Variants in MID1 observed in about 807,000 individuals in gnomAD.
MID1 encodes the protein E3 ubiquitin-protein ligase Midline-1.
A neutral mutation model predicts 40.4 loss-of-function variants in MID1; 7 were observed. That is an observed-to-expected ratio of 0.17 (90% confidence interval 0.10 to 0.33). The LOEUF (loss-of-function observed/expected upper bound fraction) is 0.33, where lower values mean the gene tolerates loss of function less well. Among genes scored for constraint, MID1 ranks in the 10% least tolerant of loss-of-function variants. The probability of loss-of-function intolerance (pLI) is 1.00; values close to 1 mark genes in which losing one functional copy is unlikely to be tolerated. For missense variants in MID1, 367 were observed against 558.5 expected (o/e 0.66, Z 3.46); for synonymous variants, 229 against 221.2 (o/e 1.04, Z -0.31).
intron 1 of MID1, among the ~76,000 whole-genome samples, chrX:10,817,623 CT>C (rs749401235): frequency 0.055 from 2,047 of 37,229 alleles, 71 homozygotes; most frequent in African/African-American, 0.15. Flanking sequence ...TTTCTTTCTT[CT>C]TTTTTTTTTT....
chrX:10,832,968 T>C (rs771303218), intron 1 of MID1, among the ~76,000 whole-genome samples: 3 of 112,818 alleles, frequency 2.7e-5, no homozygotes, highest in Admixed American at 9.4e-5. Context: ...CATACGCTCC[T>C]TGTCAAAACG....
chrX:10,619,695 C>T (rs1187828895), intron 1 of MID1, among the ~76,000 whole-genome samples: 1 of 112,491 alleles, frequency 8.9e-6, no homozygotes, highest in Admixed American at 9.4e-5. Context: ...AGCCCTTTCT[C>T]CGCTCACTAC....
intron 1 of MID1, chrX:10,589,551 C>G (rs951840181): frequency 1.8e-5 from 2 of 112,118 alleles, no homozygotes; most frequent in Admixed American, 9.4e-5. Context: ...CGCTTCCACA[C>G]AAATGGAGTG....
rs1284803287 is a variant in MID1 at position 10,610,796 on chromosome X, C to T, written c.-57+9494G>A. Reference sequence around the variant, plus strand: ...TATTCAAATTAGCATAAGGATCAGACATGGAATATAATCTCTGAGGTGAAT... The same window carrying T: ...TATTCAAATTAGCATAAGGATCAGATATGGAATATAATCTCTGAGGTGAAT... On this transcript the variant is annotated intron_variant, in intron 1 of 9. Transcript: ENST00000317552. Among the ~76,000 whole-genome samples, 4 of 111,722 alleles carry T rather than the reference C, an allele frequency of 3.6e-5. No individual in the cohort carries two copies. The Admixed American group carries it at 3.8e-4, about 11-fold the overall frequency.
At chrX:10,732,549 T>C (rs1326976832) in intron 1 of MID1, among the ~76,000 whole-genome samples, 1 of 112,286 alleles carries the variant, frequency 8.9e-6, no homozygotes, top group Non-Finnish European at 1.9e-5. Context: ...TGCTAAAATG[T>C]CAATTCTCCC....
intron 1 of MID1, among the ~76,000 whole-genome samples, chrX:10,660,166 A>G (rs184460507): frequency 8.9e-6 from 1 of 112,377 alleles, no homozygotes; most frequent in East Asian, 2.8e-4. Flanking sequence ...CCTAAACCCA[A>G]TGGAATTTGA....
Position 10,731,238 on chromosome X carries a change from A to T in MID1, c.-187+102316T>A, listed in dbSNP as rs1038480832. Among the ~76,000 whole-genome samples, 36 of 112,081 alleles carry T rather than the reference A, an allele frequency of 3.2e-4. 1 individual carries two copies. The highest frequency in any genetic ancestry group is 1.1e-3 in the Admixed American group (12 of 10,524). ...TCCTAAGAATGCCAACAATTACATT[A>T]AATATAAAGAAACTAAGCACTCCAG... On this transcript the variant is annotated intron_variant, in intron 1 of 10. Coordinates refer to the MID1 transcript ENST00000380785.
At chrX:10,511,569 A>G (rs1905388464) in intron 3 of MID1, among the ~76,000 whole-genome samples, 1 of 111,537 alleles carries the variant, frequency 9.0e-6, no homozygotes, top group Non-Finnish European at 1.9e-5. Flanking sequence ...TTAATTATTT[A>G]GTAGAGACAG....
chrX:10,714,176 T>G (rs2043286251), intron 1 of MID1, among the ~76,000 whole-genome samples: 1 of 112,585 alleles, frequency 8.9e-6, no homozygotes, highest in African/African-American at 3.2e-5. Context: ...TTCCTTTGCA[T>G]GTTCAAAAAA....
At chrX:10,484,827 T>C (rs1338367747) in intron 4 of MID1, among the ~76,000 whole-genome samples, 1 of 111,929 alleles carries the variant, frequency 8.9e-6, no homozygotes, top group East Asian at 2.8e-4. Context: ...AGGACTAGCC[T>C]TTAAAAAACC....
At chrX:10,641,430 C>G (rs981314113) in intron 1 of MID1, among the ~76,000 whole-genome samples, 4 of 111,515 alleles carry the variant, frequency 3.6e-5, no homozygotes, top group Non-Finnish European at 7.5e-5. Context: ...AAGAAATGGA[C>G]AAATTCCTGG....
chrX:10,712,669 C>G (rs2043277035), intron 1 of MID1, among the ~76,000 whole-genome samples: 1 of 111,045 alleles, frequency 9.0e-6, no homozygotes, highest in South Asian at 3.8e-4. Context: ...TTCATTCCTG[C>G]TCTAAAATCT....
chrX:10,648,841 T>G (rs1936288573), intron 1 of MID1, among the ~76,000 whole-genome samples: 1 of 111,487 alleles, frequency 9.0e-6, no homozygotes, highest in Admixed American at 9.6e-5. Flanking sequence ...CTGTTGCACA[T>G]GATCCTCTGC....
intron 1 of MID1, among the ~76,000 whole-genome samples, chrX:10,803,481 T>C (rs1393842702): frequency 1.8e-5 from 2 of 109,001 alleles, no homozygotes; most frequent in African/African-American, 6.7e-5. Flanking sequence ...GCCTCCCAAG[T>C]AGCTGGGATT....
chrX:10,452,107 T>TAC (rs774987334), intron 9 of MID1, among the ~76,000 whole-genome samples: 2 of 111,854 alleles, frequency 1.8e-5, no homozygotes, highest in Non-Finnish European at 3.8e-5. Flanking sequence ...CTTTGATGTT[T>TAC]ATTTCCCATT....
At chrX:10,648,895 G>A (rs994250130) in intron 1 of MID1, among the ~76,000 whole-genome samples, 10 of 110,957 alleles carry the variant, frequency 9.0e-5, no homozygotes, top group African/African-American at 2.9e-4. Context: ...GAATATGAAG[G>A]TCTAACCACT....
At chrX:10,450,912 T>G (rs1182022569) in intron 9 of MID1, among the ~76,000 whole-genome samples, 2 of 112,061 alleles carry the variant, frequency 1.8e-5, no homozygotes, top group African/African-American at 6.5e-5. Context: ...TTTTAATATG[T>G]TATAGCAGAA....
At chrX:10,579,521 G>A (rs1180907618) in intron 1 of MID1, among the ~76,000 whole-genome samples, 1 of 111,705 alleles carries the variant, frequency 9.0e-6, no homozygotes, top group African/African-American at 3.3e-5. Flanking sequence ...AGGTAATGAC[G>A]ATGTTATAGA....
intron 1 of MID1, among the ~76,000 whole-genome samples, chrX:10,709,164 C>A (rs1191378136): frequency 1.8e-5 from 2 of 112,043 alleles, no homozygotes; most frequent in Admixed American, 1.9e-4. Flanking sequence ...TTTCAAGGTT[C>A]AAAAATCTCC....
Sources: allele counts gnomAD v4.1 joint callset (sites outside exome capture counted in the v4.1 genomes callset), GRCh38; gene constraint gnomAD v4.1.1; transcripts MANE v1.5; gene names NCBI Gene and HGNC (gene_info 2026-07-23, HGNC 2026-07-21).